The following FAM81B variants were observed in gnomAD, a reference collection of about 807,000 sequenced individuals.
FAM81B encodes the protein protein FAM81B.
Under a neutral mutation model 58.7 loss-of-function variants are expected in FAM81B, and 60 were observed. That is an observed-to-expected ratio of 1.02 (90% CI 0.83 to 1.27). The LOEUF (loss-of-function observed/expected upper bound fraction) is 1.27, where lower values mean the gene tolerates loss of function less well. Among genes scored for constraint, FAM81B ranks in the 50% most tolerant of loss-of-function variants. The pLI is 0.00. For synonymous variants in FAM81B, 189 were observed against 179.6 expected (o/e 1.05, Z -0.42); for missense variants, 491 against 522.0 (o/e 0.94, Z 0.58).
At chr5:95,407,391 TACAC>T (rs36079913) in intron 3 of FAM81B, among the ~76,000 whole-genome samples, 9 of 139,654 alleles carry the variant, frequency 6.4e-5, no homozygotes, top group Non-Finnish European at 9.5e-5. Flanking sequence ...TGTTCTCTTT[TACAC>T]ACACACACAC....
At chr5:95,427,802 C>G (rs1762888368) in intron 5 of FAM81B, among the ~76,000 whole-genome samples, 1 of 152,134 alleles carries the variant, frequency 6.6e-6, no homozygotes, top group African/African-American at 2.4e-5. Context: ...TGAAAGTATA[C>G]AGAAACTGAC....
intron 4 of FAM81B, among the ~76,000 whole-genome samples, chr5:95,416,914 C>T (rs543516522): frequency 3.6e-4 from 54 of 152,028 alleles, no homozygotes; most frequent in Non-Finnish European, 6.6e-4. Context: ...TAGGGTAGTG[C>T]ACGCCTATAG....
intron 5 of FAM81B, 75 bp from the exon 6 acceptor site, chr5:95,428,528 A>C: frequency 1.3e-6 from 2 of 1,546,436 alleles, no homozygotes; most frequent in Non-Finnish European, 1.8e-6. Context: ...CATCAAATGA[A>C]TGTGCAGGTG....
chr5:95,437,445 C>G (rs6883612), intron 7 of FAM81B, among the ~76,000 whole-genome samples: 1 of 152,050 alleles, frequency 6.6e-6, no homozygotes, highest in South Asian at 2.1e-4. Context: ...CCTGGGTTCA[C>G]GCCATTCTCC....
At chr5:95,446,324 T>A (rs1203197200) in intron 7 of FAM81B, among the ~76,000 whole-genome samples, 1 of 152,170 alleles carries the variant, frequency 6.6e-6, no homozygotes, top group Non-Finnish European at 1.5e-5. Flanking sequence ...CTCCTGTCAC[T>A]GTGTGTTTGT....
At chr5:95,404,730 C>T (rs1762201455) in intron 3 of FAM81B, among the ~76,000 whole-genome samples, 1 of 152,160 alleles carries the variant, frequency 6.6e-6, no homozygotes, top group Admixed American at 6.5e-5. Flanking sequence ...ACATTCTTCT[C>T]AATGTTGGGG....
chr5:95,429,496 G>A (rs540873014), intron 6 of FAM81B, among the ~76,000 whole-genome samples: 20 of 152,302 alleles, frequency 1.3e-4, no homozygotes, highest in Admixed American at 3.3e-4. Flanking sequence ...AAAGTCTGGC[G>A]TTTGATTATT....
chr5:95,397,602 C>A (rs975311300), intron 3 of FAM81B, among the ~76,000 whole-genome samples: 20 of 152,284 alleles, frequency 1.3e-4, no homozygotes, highest in Non-Finnish European at 2.1e-4. Flanking sequence ...CAAACTTAAG[C>A]AGCAGAAGAT....
intron 3 of FAM81B, among the ~76,000 whole-genome samples, chr5:95,410,302 T>A (rs1212727232): frequency 6.6e-6 from 1 of 152,196 alleles, no homozygotes; most frequent in African/African-American, 2.4e-5. Flanking sequence ...ACCTGATGAC[T>A]TCCTCAGTCA....
intron 5 of FAM81B, chr5:95,424,018 C>T: frequency 1.6e-6 from 2 of 1,289,188 alleles, no homozygotes; most frequent in Non-Finnish European, 2.0e-6. Context: ...GCCAAGGATG[C>T]AACCGTGTTC....
At chr5:95,406,593 C>A (rs1762251900) in intron 3 of FAM81B, among the ~76,000 whole-genome samples, 1 of 152,094 alleles carries the variant, frequency 6.6e-6, no homozygotes, top group Non-Finnish European at 1.5e-5. Context: ...GGCAGCACTC[C>A]CAACAGTTGG....
At chr5:95,426,442 A>G (rs1177691516) in intron 5 of FAM81B, among the ~76,000 whole-genome samples, 1 of 152,134 alleles carries the variant, frequency 6.6e-6, no homozygotes, top group Non-Finnish European at 1.5e-5. Context: ...AATAGGCGGC[A>G]ACTCTCAAGT....
In FAM81B at chr5:95,392,794, A is replaced by T; in HGVS notation, c.125A>T (p.Asp42Val). 1 of 1,607,140 alleles carries T rather than the reference A, an allele frequency of 6.2e-7. No individual in the cohort carries two copies. Among genetic ancestry groups the T allele is most frequent in the East Asian group, 2.2e-5 (1 of 44,794 alleles). The change falls in exon 2 of 10, where the codon GAT (aspartate) becomes GTT (valine). Residue 42 changes from aspartate (D) to valine (V), a missense_variant and splice_region_variant. Coordinates refer to ENST00000283357, the MANE Select transcript of FAM81B (RefSeq NM_152548.3). ...CTGATTCAGCATTCTGGTTACCTAGATACAAATGTAAACAAAAGTGCCTCT... is the reference window on the plus strand; with the variant it reads ...CTGATTCAGCATTCTGGTTACCTAGTTACAAATGTAAACAAAAGTGCCTCT... ...KAGKASIMSS[D>V]TNVNKSASPT...
intron 3 of FAM81B, among the ~76,000 whole-genome samples, chr5:95,405,439 A>G (rs1342612522): frequency 6.6e-6 from 1 of 152,018 alleles, no homozygotes; most frequent in African/African-American, 2.4e-5. Flanking sequence ...TATTTCAATT[A>G]TATTTTCCAT....
chr5:95,448,425 T>A lies in FAM81B; in HGVS notation c.1186T>A (p.Trp396Arg). 1 of 1,610,526 alleles carries A rather than the reference T, an allele frequency of 6.2e-7. No homozygotes were observed. The highest frequency in any genetic ancestry group is 8.5e-7 in the Non-Finnish European group (1 of 1,179,156). ...KKMEQMEKQI[W>R]GELETMQNEY... ...GATGGAACAAATGGAAAAGCAGATC[T>A]GGGGTGAATTAGAGACAATGCAGAA... The change falls in exon 9 of 10, where the codon TGG (tryptophan) becomes AGG (arginine). Residue 396 changes from tryptophan (W) to arginine (R), a missense_variant. Transcript: ENST00000283357.
chr5:95,408,131 G>A (rs963803460), intron 3 of FAM81B, among the ~76,000 whole-genome samples: 8 of 151,804 alleles, frequency 5.3e-5, no homozygotes, highest in African/African-American at 1.9e-4. Flanking sequence ...GAGGGAGGAA[G>A]AGAGAGAAAG....
chr5:95,428,153 G>A (rs1034658885), intron 5 of FAM81B, among the ~76,000 whole-genome samples: 4 of 152,152 alleles, frequency 2.6e-5, no homozygotes, highest in South Asian at 2.1e-4. Flanking sequence ...TCTTGCCAAC[G>A]GAGAATTGAT....
chr5:95,445,036 C>T (rs1745502036), intron 7 of FAM81B, among the ~76,000 whole-genome samples: 1 of 152,018 alleles, frequency 6.6e-6, no homozygotes, highest in Non-Finnish European at 1.5e-5. Flanking sequence ...GGGGTAACTG[C>T]CCCCAGTTGA....
At chr5:95,422,903 G>A (rs907773861) in intron 5 of FAM81B, among the ~76,000 whole-genome samples, 15 of 152,178 alleles carry the variant, frequency 9.9e-5, no homozygotes, top group African/African-American at 3.4e-4. Flanking sequence ...CAAAAGCAGT[G>A]ATTTTAGGAC....
Sources: gnomAD v4.1 joint callset for allele counts (sites outside exome capture counted in the v4.1 genomes callset) on GRCh38, gnomAD v4.1.1 for gene constraint, MANE v1.5 for transcripts, NCBI Gene and HGNC (gene_info 2026-07-23, HGNC 2026-07-21) for gene names.